Variants in RUSC2 observed in about 807,000 individuals in gnomAD.
RUSC2 encodes RUN and SH3 domain containing 2.
Under a neutral mutation model 122.2 loss-of-function variants are expected in RUSC2, and 34 were observed. The observed-to-expected ratio is 0.28, with a 90% CI of 0.21 to 0.37. The LOEUF (loss-of-function observed/expected upper bound fraction) is 0.37, where lower values mean the gene tolerates loss of function less well. RUSC2 is among the 10% of genes least tolerant of loss of function. The pLI is 1.00. For synonymous variants in RUSC2, 784 were observed against 790.0 expected (o/e 0.99, Z 0.13); for missense variants, 1,747 against 1,952.4 (o/e 0.89, Z 1.98).
Position 35,528,386 on chromosome 9 carries a change from TA to T in RUSC2, c.-92-18032del, listed in dbSNP as rs541437245. On this transcript the variant is annotated intron_variant, in intron 1 of 11. Coordinates refer to ENST00000361226, the MANE Select transcript of RUSC2 (RefSeq NM_014806.5). Reference sequence around the variant, plus strand: ...GTGACAGAGTGAGACCCTATTCCTTTAAAAAAAAAAAAGTATATATTATACA... The same window carrying T: ...GTGACAGAGTGAGACCCTATTCCTTTAAAAAAAAAAAGTATATATTATACA... Among the ~76,000 whole-genome samples, 1,323 of 144,272 alleles carry T rather than the reference TA, an allele frequency of 9.2e-3. 13 individuals are homozygous for T. The highest frequency in any genetic ancestry group is 0.028 in the African/African-American group (1,103 of 39,658). The allele number at this position is 144,272 out of a possible 152,430, so 94.6% of individuals were successfully genotyped here. A position where few individuals can be genotyped will look rare whatever the true frequency, so the allele number is the denominator to read the frequency against.
intron 1 of RUSC2, among the ~76,000 whole-genome samples, chr9:35,513,940 T>C (rs868083557): frequency 2.1e-5 from 2 of 97,528 alleles, no homozygotes; most frequent in Non-Finnish European, 4.5e-5. Flanking sequence ...ATATATATAT[T>C]ACTTTATGTG....
chr9:35,500,073 G>C (rs1477226335), intron 1 of RUSC2, among the ~76,000 whole-genome samples: 3 of 152,164 alleles, frequency 2.0e-5, no homozygotes, highest in African/African-American at 7.2e-5. Context: ...CGGATAGCTA[G>C]AGTTTTTCTA....
chr9:35,511,794 T>C (rs1440527104), intron 1 of RUSC2, among the ~76,000 whole-genome samples: 1 of 152,242 alleles, frequency 6.6e-6, no homozygotes, highest in Non-Finnish European at 1.5e-5. Context: ...TTAGTGCTTT[T>C]TGTAATTCTT....
At position 35,547,532 on chromosome 9, in the gene RUSC2, C is replaced by T; in HGVS notation, c.1011C>T (p.Ser337=). 6.2e-7 allele frequency: 1 copy of T among 1,614,122 alleles called. No individual in the cohort carries two copies. Among genetic ancestry groups the T allele is most frequent in the Non-Finnish European group, 8.5e-7 (1 of 1,180,040 alleles). The change falls in exon 2 of 12, where the codon TCC becomes TCT. Residue 337 remains serine, a synonymous_variant. Coordinates refer to ENST00000361226, the MANE Select transcript of RUSC2 (RefSeq NM_014806.5). The surrounding 1 kb of genome is among the most constrained non-coding windows in gnomAD (Gnocchi z 4.6). ...SPFESKMSYE[S]HHPESGGREG... ...TTGAGTCTAAGATGTCTTATGAGTC[C>T]CATCACCCTGAAAGTGGAGGAAGGG...
chr9:35,526,182 C>T (rs1437384266), intron 1 of RUSC2, among the ~76,000 whole-genome samples: 1 of 152,086 alleles, frequency 6.6e-6, no homozygotes, highest in South Asian at 2.1e-4. Context: ...GACTCAGTAA[C>T]CAATGTTTAT....
At chr9:35,493,066 G>T (rs913655744) in intron 1 of RUSC2, among the ~76,000 whole-genome samples, 3 of 151,976 alleles carry the variant, frequency 2.0e-5, no homozygotes, top group African/African-American at 7.3e-5. Context: ...ACAGGGGTTT[G>T]TTGTACAGAT....
intron 2 of RUSC2, among the ~76,000 whole-genome samples, chr9:35,552,821 A>T (rs1026802169): frequency 2.4e-4 from 36 of 152,286 alleles, no homozygotes; most frequent in African/African-American, 8.2e-4. Context: ...AAGTGAGAAA[A>T]CTTATTCTGT....
chr9:35,517,957 G>A (rs1003400737), intron 1 of RUSC2, among the ~76,000 whole-genome samples: 1 of 152,170 alleles, frequency 6.6e-6, no homozygotes, highest in Non-Finnish European at 1.5e-5. Context: ...AGCTTTGAGA[G>A]AACAGGTACT....
chr9:35,548,084 A>G lies in RUSC2; in HGVS notation c.1563A>G (p.Pro521=). 1 of 1,613,246 alleles carries G rather than the reference A, an allele frequency of 6.2e-7. No homozygotes were observed. ...CGCTGGAACGTATGTTGAGTTGCCC[A>G]GTGCGCTTGAGTGAGGGCCCTGCAG... ...LGSLERMLSC[P]VRLSEGPAAM... Residue 521 remains proline, a synonymous_variant, in exon 2 of 12, where the codon CCA becomes CCG. Transcript: ENST00000361226. This position sits in a 1 kb window ranked among gnomAD's most constrained non-coding sequence, Gnocchi z 4.5.
In RUSC2 at chr9:35,548,254, A is replaced by G. The variant is rs1168263794; in HGVS notation, c.1733A>G (p.Glu578Gly). The G allele has an allele frequency of 6.2e-7, 1 of 1,613,822 alleles. No homozygotes were observed. The highest frequency in any genetic ancestry group is 1.7e-5 in the Admixed American group (1 of 60,026). The change falls in exon 2 of 12, where the codon GAA (glutamate) becomes GGA (glycine). Residue 578 changes from glutamate (E) to glycine (G), a missense_variant. Glu to Gly is a moderately conservative substitution (Grantham distance 98, BLOSUM62 -2). Coordinates refer to ENST00000361226, the MANE Select transcript of RUSC2 (RefSeq NM_014806.5). The surrounding 1 kb of genome is among the most constrained non-coding windows in gnomAD (Gnocchi z 4.5). ...TCCCAGGAGTTCTCACCCATCCAAG[A>G]AGCCCAGCAAGATCGGGGGGCCCCA... ...DSSQEFSPIQ[E>G]AQQDRGAPLD... is the part of the protein sequence containing the mutation.
At position 35,559,308 on chromosome 9, in the gene RUSC2, G is replaced by T. The variant is rs533618992; in HGVS notation, c.3388+36G>T. ...GAACCCTGCAGGTCAAACTCAATGG[G>T]TCAGAATTCAGAGGCACAAAAGAGG... is the stretch of plus-strand genomic sequence containing the variant. On this transcript the variant is annotated intron_variant, in intron 9 of 11. Coordinates refer to ENST00000361226, the MANE Select transcript of RUSC2 (RefSeq NM_014806.5). The T allele has an allele frequency of 1.2e-5, 18 of 1,562,936 alleles. No homozygotes were observed. The East Asian group carries it at 2.5e-4, about 21-fold the overall frequency.
chr9:35,535,437 A>ATTT (rs112502492), intron 1 of RUSC2, among the ~76,000 whole-genome samples: 213 of 144,350 alleles, frequency 1.5e-3, no homozygotes, highest in Middle Eastern at 3.6e-3. Flanking sequence ...TTTTTGATAG[A>ATTT]TTTTTTTTTT....
At chr9:35,518,064 T>G (rs568945874) in intron 1 of RUSC2, among the ~76,000 whole-genome samples, 1 of 152,348 alleles carries the variant, frequency 6.6e-6, no homozygotes, top group East Asian at 1.9e-4. Flanking sequence ...CATGGGTAGT[T>G]TCCAGATGGA....
Position 35,558,581 on chromosome 9 carries a change from G to A in RUSC2, c.3341+14G>A, listed in dbSNP as rs1300130428. 1.0e-5 allele frequency: 16 copies of A among 1,604,214 alleles called. No homozygotes were observed. Among genetic ancestry groups the A allele is most frequent in the Non-Finnish European group, 1.4e-5 (16 of 1,171,054 alleles). On this transcript the variant is annotated intron_variant, in intron 8 of 11. Transcript: ENST00000361226. The surrounding 1 kb of genome is among the most constrained non-coding windows in gnomAD (Gnocchi z 4.3). ...CGGCCTGCTCAAGTGAGTGCACAGAGCAGCAAGATCCCCTAAACAACTTGC... is the reference window on the plus strand; with the variant it reads ...CGGCCTGCTCAAGTGAGTGCACAGAACAGCAAGATCCCCTAAACAACTTGC...
intron 1 of RUSC2, among the ~76,000 whole-genome samples, chr9:35,507,085 C>A (rs1046740097): frequency 6.6e-6 from 1 of 152,082 alleles, no homozygotes; most frequent in Non-Finnish European, 1.5e-5. Context: ...CCACTGCACT[C>A]TGGCCTGGGC....
At position 35,550,601 on chromosome 9, in the gene RUSC2, GGGAAA is replaced by G. The variant is rs529251900; in HGVS notation, c.2014+2067_2014+2071del. Reference sequence around the variant, plus strand: ...AGATCATGCCACTGCACTCCAGCTTGGGAAACAGAGTGAGACTCTGTCTCAAAAAT... The same window carrying G: ...AGATCATGCCACTGCACTCCAGCTTGCAGAGTGAGACTCTGTCTCAAAAAT... On this transcript the variant is annotated intron_variant, in intron 2 of 11. Transcript: ENST00000361226. 6.0e-3 allele frequency among the ~76,000 whole-genome samples: 908 copies of G among 152,038 alleles called. 1 individual carries two copies. Among genetic ancestry groups the G allele is most frequent in the Non-Finnish European group, 9.5e-3 (649 of 67,990 alleles).
chr9:35,560,649 C>G lies in RUSC2; in HGVS notation c.4009C>G (p.Arg1337Gly), dbSNP rs570488011. The part of the protein sequence containing the change: ...ACPASEEALG[R>G]ERGWPFWMGS... ...CCCTGCCTCTGAGGAGGCCCTGGGC[C>G]GGGAAAGGGGCTGGCCCTTCTGGAT... Residue 1337 changes from arginine to glycine, a missense_variant, in exon 10 of 12, where the codon CGG becomes GGG. By Grantham distance (125) the Arg-to-Gly change is moderately radical. Transcript: ENST00000361226. The G allele has an allele frequency of 6.3e-7, 1 of 1,597,306 alleles. No individual in the cohort carries two copies. Among genetic ancestry groups the G allele is most frequent in the Non-Finnish European group, 8.5e-7 (1 of 1,171,660 alleles).
chr9:35,560,683 C>T lies in RUSC2; in HGVS notation c.4043C>T (p.Pro1348Leu). 1 of 1,572,298 alleles carries T rather than the reference C, an allele frequency of 6.4e-7. No individual in the cohort carries two copies. The highest frequency in any genetic ancestry group is 8.6e-7 in the Non-Finnish European group (1 of 1,157,906). The change falls in exon 10 of 12, where the codon CCC (proline) becomes CTC (leucine). Residue 1348 changes from proline (P) to leucine (L), a missense_variant. Coordinates refer to ENST00000361226, the MANE Select transcript of RUSC2 (RefSeq NM_014806.5). Reference sequence around the variant, plus strand: ...GGCTGGCCCTTCTGGATGGGGAGCCCCCCTGACTCTGTGCTGGCCGAGCTG... The same window carrying T: ...GGCTGGCCCTTCTGGATGGGGAGCCTCCCTGACTCTGTGCTGGCCGAGCTG... ...ERGWPFWMGS[P>L]PDSVLAELRR...
At chr9:35,500,152 T>G (rs1301069778) in intron 1 of RUSC2, among the ~76,000 whole-genome samples, 1 of 152,208 alleles carries the variant, frequency 6.6e-6, no homozygotes, top group Non-Finnish European at 1.5e-5. Context: ...CCTTACTGTA[T>G]TAGTCTGTTT....
Sources: allele counts gnomAD v4.1 joint callset (sites outside exome capture counted in the v4.1 genomes callset), GRCh38; gene constraint gnomAD v4.1.1; non-coding constraint Gnocchi (gnomAD v3.1); transcripts MANE v1.5; gene names NCBI Gene and HGNC (gene_info 2026-07-23, HGNC 2026-07-21).